The following FOLH1 variants were observed in gnomAD, a reference collection of about 807,000 sequenced individuals.
FOLH1 encodes glutamate carboxypeptidase 2.
FOLH1 carries 54 observed loss-of-function variants against 93.9 expected under a neutral mutation model. The observed-to-expected ratio is 0.57, with a 90% CI of 0.46 to 0.72. The LOEUF is 0.72. Ranked by LOEUF, FOLH1 falls within the 30% of genes least tolerant of loss-of-function variation. The pLI is 0.00. For synonymous variants in FOLH1, 249 were observed against 303.6 expected (o/e 0.82, Z 1.87); for missense variants, 571 against 892.5 (o/e 0.64, Z 4.59).
At chr11:49,201,285 A>T (rs938459668) in intron 2 of FOLH1, among the ~76,000 whole-genome samples, 9 of 141,692 alleles carry the variant, frequency 6.4e-5, no homozygotes, top group Admixed American at 3.5e-4. Flanking sequence ...TATAGTTCAT[A>T]AACTTTTGGA....
chr11:49,208,498 C>A lies in FOLH1; in HGVS notation c.-89G>T. ...TCCAACCACCACGGCGGGGTAAAGT[C>A]TCTCTCAATCTCACTAATGCCTCGC... On this transcript the variant is annotated 5_prime_UTR_variant, in exon 1 of 19. Coordinates refer to ENST00000256999, the MANE Select transcript of FOLH1 (RefSeq NM_004476.3). The A allele has an allele frequency of 2.4e-6, 2 of 841,176 alleles. No individual in the cohort carries two copies. The highest frequency in any genetic ancestry group is 1.8e-5 in the South Asian group (1 of 57,110). 52.1% of individuals were successfully genotyped at this position (841,176 alleles called of 1,614,324 possible).
intron 18 of FOLH1, among the ~76,000 whole-genome samples, 180 bp downstream of exon 18, chr11:49,148,459 T>C (rs1210752742): frequency 2.0e-5 from 3 of 151,696 alleles, no homozygotes; most frequent in African/African-American, 4.8e-5. Context: ...AATAAAGATA[T>C]GCAAAAATCA....
intron 3 of FOLH1, among the ~76,000 whole-genome samples, chr11:49,195,154 C>A (rs1291243936): frequency 6.6e-6 from 1 of 152,048 alleles, no homozygotes; most frequent in Non-Finnish European, 1.5e-5. Flanking sequence ...AAACTGAGCA[C>A]ATATTAGGTT....
intron 9 of FOLH1, among the ~76,000 whole-genome samples, chr11:49,174,361 T>C (rs1255906886): frequency 2.0e-5 from 3 of 152,174 alleles, no homozygotes; most frequent in Admixed American, 1.3e-4. Context: ...CTTCATGAAC[T>C]AAGACTATGT....
intron 13 of FOLH1, among the ~76,000 whole-genome samples, chr11:49,161,136 A>G (rs1203813996): frequency 6.6e-6 from 1 of 152,200 alleles, no homozygotes; most frequent in East Asian, 1.9e-4. Context: ...GTAGATATCT[A>G]TCAGGTCCAT....
intron 12 of FOLH1, among the ~76,000 whole-genome samples, chr11:49,167,441 C>T (rs1858543836): frequency 6.6e-6 from 1 of 152,110 alleles, no homozygotes; most frequent in African/African-American, 2.4e-5. Context: ...AGCCACTACC[C>T]TAAGAGAAGG....
intron 15 of FOLH1, among the ~76,000 whole-genome samples, chr11:49,155,151 A>G (rs920483241): frequency 2.0e-5 from 3 of 152,156 alleles, no homozygotes; most frequent in Admixed American, 2.0e-4. Flanking sequence ...ATATAAAAGG[A>G]CATTTTATGT....
intron 2 of FOLH1, among the ~76,000 whole-genome samples, chr11:49,204,531 T>C (rs537344134): frequency 6.6e-6 from 1 of 152,254 alleles, no homozygotes; most frequent in African/African-American, 2.4e-5. Context: ...ACCTCCACTT[T>C]TATTATACCT....
chr11:49,154,441 A>G lies in FOLH1; in HGVS notation c.1675T>C (p.Tyr559His). The G allele has an allele frequency of 6.2e-7, 1 of 1,610,272 alleles. No individual in the cohort carries two copies. The highest frequency in any genetic ancestry group is 8.5e-7 in the Non-Finnish European group (1 of 1,177,516). ...TCATAAAACTTTTCCACCAACTCATATGTTTCATAGACACTGTGATACAGT... is the reference window on the plus strand; with the variant it reads ...TCATAAAACTTTTCCACCAACTCATGTGTTTCATAGACACTGTGATACAGT... ...YPLYHSVYET[Y>H]ELVEKFYDPM... Residue 559 changes from tyrosine to histidine, a missense_variant, in exon 16 of 19, where the codon TAT (tyrosine) becomes CAT (histidine). Tyr to His is a moderately conservative substitution (Grantham distance 83). Coordinates refer to ENST00000256999, the MANE Select transcript of FOLH1 (RefSeq NM_004476.3).
chr11:49,148,336 A>C (rs1222290947), intron 18 of FOLH1, among the ~76,000 whole-genome samples: 1 of 151,508 alleles, frequency 6.6e-6, no homozygotes, highest in Non-Finnish European at 1.5e-5. Context: ...CAATGATTTT[A>C]TATTTTTCTG....
chr11:49,163,274 G>C (rs574632791), intron 13 of FOLH1, among the ~76,000 whole-genome samples: 23 of 152,120 alleles, frequency 1.5e-4, no homozygotes, highest in Admixed American at 1.2e-3. Flanking sequence ...GAACACCAGT[G>C]GGGGTAGCCA....
At chr11:49,181,351 CTGCTCGCCTCGGCCTCCCAAAG>C (rs1860708938) in intron 7 of FOLH1, among the ~76,000 whole-genome samples, 1 of 152,056 alleles carries the variant, frequency 6.6e-6, no homozygotes, top group Admixed American at 6.6e-5. Flanking sequence ...ACCTCATGAT[CTGCTCGCCTCGGCCTCCCAAAG>C]TGCTGGGATT....
At chr11:49,158,266 G>A (rs1857245133) in intron 13 of FOLH1, among the ~76,000 whole-genome samples, 1 of 152,100 alleles carries the variant, frequency 6.6e-6, no homozygotes, top group African/African-American at 2.4e-5. Flanking sequence ...TGTATGAAGT[G>A]CATAGCATAA....
At chr11:49,193,146 A>G (rs1590657744) in intron 3 of FOLH1, among the ~76,000 whole-genome samples, 2 of 152,322 alleles carry the variant, frequency 1.3e-5, no homozygotes, top group South Asian at 4.1e-4. Context: ...AACCCCACCA[A>G]TAACTAAAAA....
In FOLH1 at chr11:49,194,736, C is replaced by T. The variant is rs1442536440; in HGVS notation, c.412-1842G>A. Among the ~76,000 whole-genome samples, 5 of 151,540 alleles carry T rather than the reference C, an allele frequency of 3.3e-5. 1 individual carries two copies. Among genetic ancestry groups the T allele is most frequent in the East Asian group, 3.9e-4 (2 of 5,164 alleles). ...CAATTGACAAGCAGTGACATAAACC[C>T]GCTGAAAAAGAAATACCAAACAAAT... On this transcript the variant is annotated intron_variant, in intron 3 of 18. Coordinates refer to ENST00000256999, the MANE Select transcript of FOLH1 (RefSeq NM_004476.3).
At chr11:49,207,110 G>A (rs1314657280) in intron 1 of FOLH1, among the ~76,000 whole-genome samples, 1 of 152,128 alleles carries the variant, frequency 6.6e-6, no homozygotes, top group Non-Finnish European at 1.5e-5. Context: ...GAAAGACTTG[G>A]ATTAGAGTGA....
chr11:49,180,001 G>A (rs571132017), intron 7 of FOLH1, among the ~76,000 whole-genome samples: 3 of 152,278 alleles, frequency 2.0e-5, no homozygotes, highest in African/African-American at 7.2e-5. Flanking sequence ...AAGGTCTCCC[G>A]AGCAGAGGCA....
intron 4 of FOLH1, among the ~76,000 whole-genome samples, chr11:49,187,234 G>A (rs1861510088): frequency 6.6e-6 from 1 of 152,110 alleles, no homozygotes; most frequent in South Asian, 2.1e-4. Context: ...TGCTTCACAG[G>A]TCTGATTTCA....
chr11:49,165,101 C>T (rs61886494), intron 12 of FOLH1, among the ~76,000 whole-genome samples: 5,130 of 152,236 alleles, frequency 0.034, 122 homozygotes, highest in Non-Finnish European at 0.051. Context: ...CTCCTCTGGT[C>T]TAATGTCATG....
Sources: allele counts gnomAD v4.1 joint callset (sites outside exome capture counted in the v4.1 genomes callset), GRCh38; gene constraint gnomAD v4.1.1; transcripts MANE v1.5; gene names NCBI Gene and HGNC (gene_info 2026-07-23, HGNC 2026-07-21).